ERCC6L2: variants seen among roughly 807,000 people sequenced by gnomAD.
ERCC6L2 encodes ERCC excision repair 6 like 2, also known as DNA excision repair protein ERCC-6-like 2.
A neutral mutation model predicts 132.0 loss-of-function variants in ERCC6L2; 77 were observed. The ratio of observed to expected loss-of-function variants is 0.58; its 90% CI spans 0.49 to 0.71. The LOEUF is 0.71. Ranked by LOEUF, ERCC6L2 falls within the 30% of genes least tolerant of loss-of-function variation. The pLI is 0.00. For synonymous variants in ERCC6L2, 583 were observed against 632.4 expected, an observed-to-expected ratio of 0.92 and a Z score of 1.17; for missense variants, 1,542 against 1,837.6, an observed-to-expected ratio of 0.84 and a Z score of 2.94.
At chr9:95,932,034 A>G (rs1830361913) in intron 11 of ERCC6L2, among the ~76,000 whole-genome samples, 1 of 150,908 alleles carries the variant, frequency 6.6e-6, no homozygotes, top group East Asian at 1.9e-4. Flanking sequence ...GTTCTGAGAA[A>G]TGTCATTTTT....
At chr9:95,987,772 G>C (rs954517193) in intron 17 of ERCC6L2, among the ~76,000 whole-genome samples, 3 of 152,156 alleles carry the variant, frequency 2.0e-5, no homozygotes, top group Admixed American at 2.0e-4. Flanking sequence ...CTCTGTGTGG[G>C]GACTCTGACC....
At chr9:95,959,684 GA>G (rs536311818) in intron 13 of ERCC6L2, among the ~76,000 whole-genome samples, 3 of 150,312 alleles carry the variant, frequency 2.0e-5, no homozygotes, top group African/African-American at 2.4e-5. Flanking sequence ...AAATTTACAA[GA>G]AAAAAACAAC....
chr9:95,962,349 TAG>T (rs1437950153), intron 13 of ERCC6L2, among the ~76,000 whole-genome samples: 11 of 152,256 alleles, frequency 7.2e-5, no homozygotes, highest in African/African-American at 2.6e-4. Context: ...TAGGTATATG[TAG>T]AGTCTCCATA....
intron 10 of ERCC6L2, 64 bp downstream of exon 10, chr9:95,928,214 G>T (rs534690669): frequency 4.5e-6 from 5 of 1,109,908 alleles, no homozygotes; most frequent in Non-Finnish European, 5.5e-6. Flanking sequence ...AAAGAATAAA[G>T]CATATGCCTA....
chr9:95,971,892 C>T (rs764606981), intron 15 of ERCC6L2, 41 bp from the exon 16 acceptor site: 2 of 1,212,730 alleles, frequency 1.6e-6, no homozygotes, highest in South Asian at 1.5e-5. Context: ...CACATTATAT[C>T]TTGAGGTTTT....
At chr9:95,936,504 T>A (rs960822931) in intron 11 of ERCC6L2, among the ~76,000 whole-genome samples, 22 of 152,314 alleles carry the variant, frequency 1.4e-4, no homozygotes, top group African/African-American at 5.3e-4. Context: ...AATCTGTACT[T>A]AAGAATCCAT....
chr9:95,945,065 GT>G (rs1349614825), intron 12 of ERCC6L2, among the ~76,000 whole-genome samples: 11 of 152,168 alleles, frequency 7.2e-5, no homozygotes, highest in Non-Finnish European at 1.6e-4. Flanking sequence ...AATTTATTAG[GT>G]GGGAATTTCC....
At chr9:95,985,152 C>T (rs116244670) in intron 17 of ERCC6L2, among the ~76,000 whole-genome samples, 6 of 152,336 alleles carry the variant, frequency 3.9e-5, no homozygotes, top group African/African-American at 1.4e-4. Flanking sequence ...CTATGCCAGT[C>T]ATCACTGTAG....
At chr9:95,936,395 G>A (rs1284071790) in intron 11 of ERCC6L2, among the ~76,000 whole-genome samples, 1 of 152,160 alleles carries the variant, frequency 6.6e-6, no homozygotes, top group East Asian at 1.9e-4. Flanking sequence ...CTGTTGCAGT[G>A]TAACTCTTGG....
At position 96,012,567 on chromosome 9, in the gene ERCC6L2, T is replaced by C; in HGVS notation, c.4017T>C (p.Phe1339=). 7.3e-7 allele frequency: 1 copy of C among 1,367,466 alleles called. No individual in the cohort carries two copies. Among genetic ancestry groups the C allele is most frequent in the South Asian group, 1.1e-5 (1 of 88,010 alleles). The allele number at this position is 1,367,466 out of a possible 1,614,324, so 84.7% of individuals were successfully genotyped here. Reference sequence around the variant, plus strand: ...CATATAAAAGAAAATCAGTTAAGTTTCAGAATCATATTTCCTATAGAGAAG... The same window carrying C: ...CATATAAAAGAAAATCAGTTAAGTTCCAGAATCATATTTCCTATAGAGAAG... The part of the protein sequence containing the change: ...LKTYKRKSVK[F]QNHISYREEV... The change falls in exon 19 of 19, where the codon TTT becomes TTC. Residue 1339 remains phenylalanine (F), a synonymous_variant. Coordinates refer to ENST00000653738, the MANE Select transcript of ERCC6L2 (RefSeq NM_020207.7).
chr9:95,943,316 G>T (rs933050700), intron 12 of ERCC6L2, among the ~76,000 whole-genome samples: 1 of 152,076 alleles, frequency 6.6e-6, no homozygotes, highest in Admixed American at 6.6e-5. Flanking sequence ...CTCAGGAAAG[G>T]ACCAGGATAC....
chr9:95,882,805 T>C (rs1827662491), intron 2 of ERCC6L2, among the ~76,000 whole-genome samples: 1 of 152,212 alleles, frequency 6.6e-6, no homozygotes, highest in Non-Finnish European at 1.5e-5. Context: ...GCAGATAGTT[T>C]AGACATGCAC....
chr9:96,038,747 T>C (rs1355402427), intron 19 of ERCC6L2: 1 of 407,512 alleles, frequency 2.5e-6, no homozygotes, highest in Non-Finnish European at 4.9e-6. Context: ...TGTCTGCAGA[T>C]TCTTTGATCT....
Position 95,971,913 on chromosome 9 carries a change from T to C in ERCC6L2, c.2182-20T>C. The C allele has an allele frequency of 4.8e-6, 6 of 1,247,736 alleles. No homozygotes were observed. The highest frequency in any genetic ancestry group is 6.2e-6 in the Non-Finnish European group (6 of 961,828). 77.3% of individuals were successfully genotyped at this position (1,247,736 alleles called of 1,614,324 possible). ...ATATCTTGAGGTTTTCTGATGTTTT[T>C]GTCATTGTTTCTCCTATAGCCTAGA... is the stretch of plus-strand genomic sequence containing the variant. On this transcript the variant is annotated intron_variant, in intron 15 of 18. Coordinates refer to ENST00000653738, the MANE Select transcript of ERCC6L2 (RefSeq NM_020207.7).
chr9:96,031,808 A>G (rs761839924), intron 19 of ERCC6L2, among the ~76,000 whole-genome samples: 11 of 152,136 alleles, frequency 7.2e-5, no homozygotes, highest in Non-Finnish European at 1.5e-4. Context: ...GGCACTGCAG[A>G]CTTGACCCTA....
At chr9:95,937,475 GTTAT>G (rs763192006) in intron 11 of ERCC6L2, among the ~76,000 whole-genome samples, 30 of 151,956 alleles carry the variant, frequency 2.0e-4, no homozygotes, top group Admixed American at 7.9e-4. Context: ...GCCTGGAGGG[GTTAT>G]TTTTTTTCCC....
intron 4 of ERCC6L2, among the ~76,000 whole-genome samples, chr9:95,911,743 C>T (rs1829350582): frequency 6.6e-6 from 1 of 151,896 alleles, no homozygotes. Flanking sequence ...TTTCTTATTG[C>T]TGTTATATTT....
chr9:95,943,422 C>G (rs1207173837), intron 12 of ERCC6L2, among the ~76,000 whole-genome samples: 2 of 151,904 alleles, frequency 1.3e-5, no homozygotes, highest in African/African-American at 4.8e-5. Context: ...TAATAATTAC[C>G]TGGTACAATT....
chr9:96,001,668 C>T (rs958030123), intron 17 of ERCC6L2, among the ~76,000 whole-genome samples: 12 of 152,372 alleles, frequency 7.9e-5, no homozygotes, highest in East Asian at 5.8e-4. Context: ...CAGTGGATCC[C>T]GCACCGGGGC....
Sources: allele counts gnomAD v4.1 joint callset (sites outside exome capture counted in the v4.1 genomes callset), GRCh38; gene constraint gnomAD v4.1.1; transcripts MANE v1.5; gene names NCBI Gene and HGNC (gene_info 2026-07-23, HGNC 2026-07-21).